RBFOX1: variants seen among roughly 807,000 people sequenced by gnomAD.
The protein encoded by RBFOX1 is RNA binding protein fox-1 homolog 1.
In RBFOX1, 8 loss-of-function variants were observed where a neutral mutation model predicts 57.7. The ratio of observed to expected loss-of-function variants is 0.14; its 90% CI spans 0.08 to 0.25. The LOEUF (loss-of-function observed/expected upper bound fraction) is 0.25. Among genes scored for constraint, RBFOX1 ranks in the 10% least tolerant of loss-of-function variants. The pLI is 1.00. For synonymous variants in RBFOX1, 326 were observed against 222.4 expected, an observed-to-expected ratio of 1.47 and a Z score of -4.15; for missense variants, 611 against 548.5, an observed-to-expected ratio of 1.11 and a Z score of -1.14.
chr16:6,967,615 C>G (rs1346655426), intron 3 of RBFOX1, among the ~76,000 whole-genome samples: 1 of 152,092 alleles, frequency 6.6e-6, no homozygotes, highest in Non-Finnish European at 1.5e-5. Context: ...CCTCAGTACT[C>G]AGTACACTTC....
chr16:5,875,176 A>T (rs75593559), intron 4 of RBFOX1, among the ~76,000 whole-genome samples: 2 of 152,314 alleles, frequency 1.3e-5, no homozygotes, highest in South Asian at 4.2e-4. Context: ...ATGTGAACGG[A>T]GTCCCAAGCA....
At chr16:7,272,686 G>T (rs1488435183) in intron 4 of RBFOX1, among the ~76,000 whole-genome samples, 3 of 152,118 alleles carry the variant, frequency 2.0e-5, no homozygotes, top group African/African-American at 7.2e-5. Context: ...ATGGAAGGAG[G>T]GAAACAAGGG....
chr16:6,600,283 C>G (rs1266105194), intron 2 of RBFOX1, among the ~76,000 whole-genome samples: 2 of 152,182 alleles, frequency 1.3e-5, no homozygotes, highest in African/African-American at 4.8e-5. Context: ...CCTCCCCTAC[C>G]TGGTTCTCTC....
chr16:7,645,404 A>G (rs1264540334), intron 11 of RBFOX1, among the ~76,000 whole-genome samples: 3 of 152,190 alleles, frequency 2.0e-5, no homozygotes, highest in Non-Finnish European at 4.4e-5. Context: ...TCCCTGAGTC[A>G]TTTATTGTCT....
chr16:5,551,241 G>T (rs140323538), intron 2 of RBFOX1, among the ~76,000 whole-genome samples: 1 of 152,244 alleles, frequency 6.6e-6, no homozygotes, highest in Non-Finnish European at 1.5e-5. Flanking sequence ...ATCCTCCCAG[G>T]CTGAATTTTC....
At chr16:5,287,546 A>C (rs1280832083) in intron 1 of RBFOX1, among the ~76,000 whole-genome samples, 1 of 152,186 alleles carries the variant, frequency 6.6e-6, no homozygotes, top group African/African-American at 2.4e-5. Flanking sequence ...TCCAAATCTC[A>C]GTGGCTTAAT....
intron 4 of RBFOX1, among the ~76,000 whole-genome samples, chr16:7,121,658 C>T (rs1438509362): frequency 6.6e-6 from 1 of 151,822 alleles, no homozygotes; most frequent in Non-Finnish European, 1.5e-5. Context: ...CAATACAAAT[C>T]AAAATTCTAG....
At chr16:7,671,258 T>G (rs1282208724) in intron 13 of RBFOX1, among the ~76,000 whole-genome samples, 1 of 152,238 alleles carries the variant, frequency 6.6e-6, no homozygotes, top group Admixed American at 6.5e-5. Flanking sequence ...GGAATATGCT[T>G]TAAGAGGCAA....
At chr16:7,477,583 A>G (rs9930852) in intron 4 of RBFOX1, among the ~76,000 whole-genome samples, 2,558 of 152,224 alleles carry the variant, frequency 0.017, 96 homozygotes, top group African/African-American at 0.059. Flanking sequence ...CTGGCTCCAT[A>G]TGGCATGGCC....
At chr16:7,440,918 A>C (rs2098761051) in intron 4 of RBFOX1, among the ~76,000 whole-genome samples, 1 of 152,186 alleles carries the variant, frequency 6.6e-6, no homozygotes, top group South Asian at 2.1e-4. Context: ...GCACAAATGT[A>C]GTCCTAGCTG....
intron 1 of RBFOX1, among the ~76,000 whole-genome samples, chr16:6,251,796 G>C (rs1488549493): frequency 1.3e-5 from 2 of 152,024 alleles, no homozygotes; most frequent in Admixed American, 1.3e-4. Context: ...CTTCACTTCG[G>C]GACTTCTCAA....
At chr16:5,804,393 T>C (rs2055160896) in intron 3 of RBFOX1, among the ~76,000 whole-genome samples, 1 of 152,244 alleles carries the variant, frequency 6.6e-6, no homozygotes. Flanking sequence ...AGTTTTTGTC[T>C]GTAATCCAGA....
At chr16:7,620,933 C>T (rs547368232) in intron 10 of RBFOX1, among the ~76,000 whole-genome samples, 1 of 152,220 alleles carries the variant, frequency 6.6e-6, no homozygotes, top group African/African-American at 2.4e-5. Context: ...TTAATGGGCA[C>T]TGTCAATATT....
At chr16:5,419,193 T>G (rs191267977) in intron 1 of RBFOX1, among the ~76,000 whole-genome samples, 196 of 152,192 alleles carry the variant, frequency 1.3e-3, no homozygotes, top group Admixed American at 5.8e-3. Context: ...AGATAGATGT[T>G]TATGTAAAGG....
At chr16:5,383,614 C>G (rs2066185057) in intron 1 of RBFOX1, among the ~76,000 whole-genome samples, 1 of 152,200 alleles carries the variant, frequency 6.6e-6, no homozygotes, top group Non-Finnish European at 1.5e-5. Context: ...TCCCTAGGAT[C>G]AACTGAGCAG....
intron 7 of RBFOX1, among the ~76,000 whole-genome samples, chr16:7,592,330 G>A (rs2152927924): frequency 6.6e-6 from 1 of 152,344 alleles, no homozygotes; most frequent in African/African-American, 2.4e-5. Flanking sequence ...GATTCAAAAT[G>A]TATTTCTCTT....
At chr16:6,067,328 C>T (rs371552029) in intron 1 of RBFOX1, among the ~76,000 whole-genome samples, 3 of 151,660 alleles carry the variant, frequency 2.0e-5, no homozygotes, top group South Asian at 2.1e-4. Flanking sequence ...ATTCTGTGCC[C>T]GATATAGCTT....
chr16:5,851,455 C>T (rs2151865291), intron 3 of RBFOX1, among the ~76,000 whole-genome samples: 1 of 152,304 alleles, frequency 6.6e-6, no homozygotes, highest in South Asian at 2.1e-4. Context: ...AAGGCATTCT[C>T]TGCACTGCCA....
chr16:6,556,944 T>C (rs17140591), intron 2 of RBFOX1, among the ~76,000 whole-genome samples: 14,319 of 149,708 alleles, frequency 0.096, 1,767 homozygotes, highest in African/African-American at 0.29. Context: ...CTGAGCCATG[T>C]ATTAAATATT....
Sources: allele counts gnomAD v4.1 joint callset (sites outside exome capture counted in the v4.1 genomes callset), GRCh38; gene constraint gnomAD v4.1.1; transcripts MANE v1.5; gene names NCBI Gene and HGNC (gene_info 2026-07-23, HGNC 2026-07-21).